Variants in CAMKMT observed in about 807,000 individuals in gnomAD.
CAMKMT encodes the protein calmodulin-lysine N-methyltransferase, also known as CaM KMT.
In CAMKMT, 53 loss-of-function variants were observed where a neutral mutation model predicts 48.0. That is an observed-to-expected ratio of 1.10 (90% CI 0.89 to 1.39). The LOEUF (loss-of-function observed/expected upper bound fraction) is 1.39, where lower values mean the gene tolerates loss of function less well. Among genes scored for constraint, CAMKMT ranks in the 40% most tolerant of loss-of-function variants. The pLI is 0.00. For missense variants in CAMKMT, 428 were observed against 402.7 expected (o/e 1.06, Z -0.54); for synonymous variants, 165 against 152.3 (o/e 1.08, Z -0.61).
chr2:44,457,546 G>A (rs144084570), intron 3 of CAMKMT, among the ~76,000 whole-genome samples: 3,671 of 151,800 alleles, frequency 0.024, 136 homozygotes, highest in African/African-American at 0.084. Context: ...CTACAGGTGC[G>A]TGTCACCACG....
At chr2:44,692,666 A>G (rs1473800448) in intron 3 of CAMKMT, among the ~76,000 whole-genome samples, 2 of 150,866 alleles carry the variant, frequency 1.3e-5, no homozygotes, top group African/African-American at 2.5e-5. Flanking sequence ...TCACAGAACC[A>G]TAAGAGCCAG....
chr2:44,664,395 A>G (rs1674846540), intron 3 of CAMKMT, among the ~76,000 whole-genome samples: 1 of 152,206 alleles, frequency 6.6e-6, no homozygotes, highest in Non-Finnish European at 1.5e-5. Flanking sequence ...TAGAAATCCT[A>G]TTGTCTCCTC....
At chr2:44,605,149 A>G (rs1272793497) in intron 3 of CAMKMT, among the ~76,000 whole-genome samples, 7 of 152,010 alleles carry the variant, frequency 4.6e-5, no homozygotes, top group Admixed American at 4.6e-4. Context: ...TGTAATAGGG[A>G]GACAAAAACT....
chr2:44,739,324 A>G (rs1050478303), intron 7 of CAMKMT, among the ~76,000 whole-genome samples: 1 of 152,200 alleles, frequency 6.6e-6, no homozygotes, highest in African/African-American at 2.4e-5. Context: ...AGATTTTGAT[A>G]TATTTCAAAG....
chr2:44,599,551 A>C (rs1222502082), intron 3 of CAMKMT, among the ~76,000 whole-genome samples: 1 of 152,130 alleles, frequency 6.6e-6, no homozygotes, highest in Non-Finnish European at 1.5e-5. Context: ...TGTGAGAATG[A>C]AAAGTAATTT....
At chr2:44,550,970 C>G (rs1667681317) in intron 3 of CAMKMT, among the ~76,000 whole-genome samples, 1 of 152,144 alleles carries the variant, frequency 6.6e-6, no homozygotes, top group African/African-American at 2.4e-5. Context: ...AACTTCTGTA[C>G]ACAATATATG....
chr2:44,383,719 A>T (rs1680492763), intron 2 of CAMKMT, among the ~76,000 whole-genome samples: 1 of 152,150 alleles, frequency 6.6e-6, no homozygotes, highest in Non-Finnish European at 1.5e-5. Flanking sequence ...TATCAGTGAG[A>T]ATATATGATG....
chr2:44,627,141 C>G (rs1029681286), intron 3 of CAMKMT, among the ~76,000 whole-genome samples: 3 of 151,966 alleles, frequency 2.0e-5, no homozygotes, highest in Non-Finnish European at 4.4e-5. Flanking sequence ...AGCTTTTCTC[C>G]TTTACTTTGT....
In CAMKMT at chr2:44,618,755, C is replaced by T. The variant is rs1245641459; in HGVS notation, c.377-85528C>T. Among the ~76,000 whole-genome samples, 1 of 152,194 alleles carries T rather than the reference C, an allele frequency of 6.6e-6. No homozygotes were observed. The highest frequency in any genetic ancestry group is 1.5e-5 in the Non-Finnish European group (1 of 68,038). ...AATATTTATTTGAAGGCGCCTTCTG[C>T]AGAGTTCAGCAGTAAGGCTCTCAGT... On this transcript the variant is annotated intron_variant, in intron 3 of 10. Transcript: ENST00000378494. The surrounding 1 kb of genome is among the most constrained non-coding windows in gnomAD (Gnocchi z 4.0).
intron 3 of CAMKMT, among the ~76,000 whole-genome samples, chr2:44,492,286 G>A (rs1413447029): frequency 6.6e-6 from 1 of 152,040 alleles, no homozygotes; most frequent in Non-Finnish European, 1.5e-5. Flanking sequence ...AATTTAGTCT[G>A]TGGTTAATAG....
chr2:44,528,913 G>A (rs1474283735), intron 3 of CAMKMT, among the ~76,000 whole-genome samples: 1 of 151,978 alleles, frequency 6.6e-6, no homozygotes, highest in Non-Finnish European at 1.5e-5. Flanking sequence ...ATGGTACACT[G>A]CATTTTAATT....
At chr2:44,608,700 G>A (rs1436613240) in intron 3 of CAMKMT, among the ~76,000 whole-genome samples, 1 of 151,970 alleles carries the variant, frequency 6.6e-6, no homozygotes, top group Non-Finnish European at 1.5e-5. Flanking sequence ...GATCCAATCA[G>A]AATCCACTGT....
intron 3 of CAMKMT, among the ~76,000 whole-genome samples, chr2:44,486,004 G>A (rs557439624): frequency 2.6e-5 from 4 of 151,780 alleles, no homozygotes; most frequent in African/African-American, 7.3e-5. Flanking sequence ...TCACTCTGTC[G>A]CCCAGGCTTG....
At chr2:44,573,684 T>A (rs1669046055) in intron 3 of CAMKMT, among the ~76,000 whole-genome samples, 1 of 152,174 alleles carries the variant, frequency 6.6e-6, no homozygotes, top group Non-Finnish European at 1.5e-5. Context: ...CTTCAAATAC[T>A]ATTGTAATTT....
At chr2:44,607,784 C>T (rs1388186415) in intron 3 of CAMKMT, among the ~76,000 whole-genome samples, 1 of 152,000 alleles carries the variant, frequency 6.6e-6, no homozygotes, top group Non-Finnish European at 1.5e-5. Flanking sequence ...TTGTCCTCTA[C>T]TTTTTTCCAA....
chr2:44,393,123 T>C (rs745817265), intron 3 of CAMKMT, among the ~76,000 whole-genome samples: 6 of 152,204 alleles, frequency 3.9e-5, no homozygotes, highest in Non-Finnish European at 7.4e-5. Context: ...ATTATATTCA[T>C]TGCAAATTTT....
chr2:44,579,688 C>A (rs1268152674), intron 3 of CAMKMT, among the ~76,000 whole-genome samples: 1 of 152,182 alleles, frequency 6.6e-6, no homozygotes, highest in East Asian at 1.9e-4. Context: ...TGTCTCTTAT[C>A]TACATGGAAA....
At chr2:44,528,654 G>A (rs1310673517) in intron 3 of CAMKMT, among the ~76,000 whole-genome samples, 1 of 152,098 alleles carries the variant, frequency 6.6e-6, no homozygotes, top group Non-Finnish European at 1.5e-5. Context: ...CATCCAAACA[G>A]TATCCACACA....
At chr2:44,743,254 A>G (rs1226849797) in intron 7 of CAMKMT, among the ~76,000 whole-genome samples, 1 of 152,166 alleles carries the variant, frequency 6.6e-6, no homozygotes, top group African/African-American at 2.4e-5. Context: ...TTATTTTTAT[A>G]AATTTGTGTT....
Sources: allele counts gnomAD v4.1 joint callset (sites outside exome capture counted in the v4.1 genomes callset), GRCh38; gene constraint gnomAD v4.1.1; non-coding constraint Gnocchi (gnomAD v3.1); transcripts MANE v1.5; gene names NCBI Gene and HGNC (gene_info 2026-07-23, HGNC 2026-07-21).